The following ERC1 variants were observed in gnomAD, a reference collection of about 807,000 sequenced individuals.
ERC1 encodes the protein ELKS/RAB6-interacting/CAST family member 1.
In ERC1, 56 loss-of-function variants were observed where a neutral mutation model predicts 132.0. That is an observed-to-expected ratio of 0.42 (90% CI 0.34 to 0.53). The LOEUF is 0.53. ERC1 is among the 20% of genes least tolerant of loss of function. The pLI is 0.03. For missense variants in ERC1, 1,202 were observed against 1,349.9 expected, an observed-to-expected ratio of 0.89 and a Z score of 1.72; for synonymous variants, 478 against 476.1, an observed-to-expected ratio of 1.00 and a Z score of -0.05.
intron 18 of ERC1, among the ~76,000 whole-genome samples, chr12:1,458,585 A>C (rs2093588014): frequency 6.6e-6 from 1 of 151,146 alleles, no homozygotes; most frequent in African/African-American, 2.4e-5. Flanking sequence ...CCCAGGCTGA[A>C]GTGCAATGGC....
chr12:1,247,608 CAGGTT>C (rs1433283055), intron 13 of ERC1, among the ~76,000 whole-genome samples: 4 of 152,172 alleles, frequency 2.6e-5, no homozygotes, highest in Admixed American at 6.5e-5. Flanking sequence ...ATTAACATAA[CAGGTT>C]AGTTAGCTCA....
intron 12 of ERC1, among the ~76,000 whole-genome samples, chr12:1,195,966 A>G (rs1956192869): frequency 6.7e-6 from 1 of 149,408 alleles, no homozygotes; most frequent in Non-Finnish European, 1.5e-5. Flanking sequence ...TGCTGCTGAA[A>G]GCTGGGACAA....
At chr12:1,104,409 T>G (rs1945020206) in intron 3 of ERC1, among the ~76,000 whole-genome samples, 1 of 152,192 alleles carries the variant, frequency 6.6e-6, no homozygotes, top group Non-Finnish European at 1.5e-5. Context: ...TTTTGGATCA[T>G]TTGGAATTCT....
intron 12 of ERC1, among the ~76,000 whole-genome samples, chr12:1,196,976 ATTTTTT>A (rs1172269593): frequency 0.011 from 806 of 73,316 alleles, 73 homozygotes; most frequent in African/African-American, 0.039. Context: ...ATATATATAT[ATTTTTT>A]TTTTTTTTTT....
Position 1,491,442 on chromosome 12 carries a change from C to T in ERC1, c.*1212C>T, listed in dbSNP as rs542632756. The T allele has an allele frequency of 4.3e-6, 1 of 230,694 alleles. No individual in the cohort carries two copies. Among genetic ancestry groups the T allele is most frequent in the South Asian group, 1.8e-4 (1 of 5,502 alleles). The allele number at this position is 230,694 out of a possible 1,614,324, so 14.3% of individuals were successfully genotyped here. The stretch of plus-strand genomic sequence containing the variant: ...AAATGCCTACTGTGTGCAAGTCATC[C>T]ATCCTTGAAAAGGCCACTTCTCAGT... On this transcript the variant is annotated 3_prime_UTR_variant, in exon 19 of 19. Coordinates refer to ENST00000360905, the MANE Select transcript of ERC1 (RefSeq NM_178040.4).
chr12:1,430,311 C>T (rs1018296242), intron 17 of ERC1: 1 of 152,120 alleles, frequency 6.6e-6, no homozygotes, highest in Non-Finnish European at 1.5e-5. Flanking sequence ...CTAAGACCAT[C>T]CCACACTGAG....
At chr12:1,091,735 G>A (rs1346097836) in intron 3 of ERC1, among the ~76,000 whole-genome samples, 3 of 152,168 alleles carry the variant, frequency 2.0e-5, no homozygotes, top group Non-Finnish European at 2.9e-5. Flanking sequence ...AATCTGATTT[G>A]CTTTTAAAAT....
At chr12:1,189,561 A>G (rs1016897770) in intron 11 of ERC1, among the ~76,000 whole-genome samples, 1 of 152,200 alleles carries the variant, frequency 6.6e-6, no homozygotes, top group African/African-American at 2.4e-5. Flanking sequence ...AATGACTGTT[A>G]GTTTGTCTCA....
intron 8 of ERC1, among the ~76,000 whole-genome samples, chr12:1,155,441 G>T (rs991317471): frequency 1.3e-5 from 2 of 151,534 alleles, no homozygotes; most frequent in Non-Finnish European, 2.9e-5. Context: ...CAACCTAAGT[G>T]CCCATCAACC....
At chr12:1,365,149 A>G (rs1004178913) in intron 15 of ERC1, among the ~76,000 whole-genome samples, 1 of 152,108 alleles carries the variant, frequency 6.6e-6, no homozygotes, top group Non-Finnish European at 1.5e-5. Context: ...ACCCCCTCTT[A>G]AATTATGACA....
chr12:1,291,305 A>G (rs1038777512), intron 15 of ERC1, among the ~76,000 whole-genome samples: 2 of 152,174 alleles, frequency 1.3e-5, no homozygotes, highest in East Asian at 3.9e-4. Flanking sequence ...ATAGGGGGAG[A>G]ATTAAGAGAG....
At chr12:1,407,143 C>CT in intron 16 of ERC1, among the ~76,000 whole-genome samples, 1 of 152,210 alleles carries the variant, frequency 6.6e-6, no homozygotes, top group East Asian at 1.9e-4. Context: ...TCCAGTCTTC[C>CT]TTTTTGATAA....
chr12:1,289,194 AAT>A (rs550209473), intron 14 of ERC1, among the ~76,000 whole-genome samples: 8 of 145,636 alleles, frequency 5.5e-5, no homozygotes, highest in Admixed American at 6.9e-5. Context: ...GTATATATAT[AAT>A]ATATATATAT....
chr12:1,276,913 A>G (rs775252107), intron 14 of ERC1, among the ~76,000 whole-genome samples: 4 of 152,318 alleles, frequency 2.6e-5, no homozygotes, highest in East Asian at 3.9e-4. Flanking sequence ...CTTTGTTGCA[A>G]TTGCGTTTCC....
At chr12:1,413,068 G>A (rs1251790712) in intron 17 of ERC1, among the ~76,000 whole-genome samples, 1 of 152,170 alleles carries the variant, frequency 6.6e-6, no homozygotes, top group Non-Finnish European at 1.5e-5. Flanking sequence ...GATGGTGATA[G>A]CTGTCTTCCA....
rs544963718 is a variant in ERC1 at position 1,394,272 on chromosome 12, C to T, written c.2926-13877C>T. ...AAAATTAGCCAGGCGTGGTGGCGGG[C>T]TCCTGTAGTCCCAGCTACTGGGGAG... On this transcript the variant is annotated intron_variant, in intron 16 of 18. Coordinates refer to ENST00000360905, the MANE Select transcript of ERC1 (RefSeq NM_178040.4). Among the ~76,000 whole-genome samples the T allele has an allele frequency of 3.2e-3, 482 of 151,298 alleles. 5 individuals carry two copies. The highest frequency in any genetic ancestry group is 0.011 in the African/African-American group (441 of 41,208).
At chr12:1,430,066 A>G (rs1425861439) in intron 17 of ERC1, among the ~76,000 whole-genome samples, 1 of 152,174 alleles carries the variant, frequency 6.6e-6, no homozygotes, top group African/African-American at 2.4e-5. Context: ...AGAACAGCCA[A>G]TTCCAGGATT....
At chr12:1,237,232 A>G (rs1406292005) in intron 13 of ERC1, among the ~76,000 whole-genome samples, 1 of 152,158 alleles carries the variant, frequency 6.6e-6, no homozygotes, top group East Asian at 1.9e-4. Flanking sequence ...TGCCAGTTCC[A>G]TTCATTAAAA....
rs761923681 is a variant in ERC1, at chr12:1,083,299, A to G, written c.805A>G (p.Arg269Gly). The change falls in exon 3 of 19, where the codon AGG (arginine) becomes GGG (glycine). Residue 269 changes from arginine to glycine, a missense_variant. Arg to Gly is a moderately radical substitution (Grantham distance 125). Coordinates refer to ENST00000360905, the MANE Select transcript of ERC1 (RefSeq NM_178040.4). The part of the protein sequence containing the change: ...VAELTEENFQ[R>G]LHAEHERQAK... Reference sequence around the variant, plus strand: ...AGAGCTGACAGAGGAGAACTTTCAGAGGCTTCATGCTGAGCATGAGCGGCA... The same window carrying G: ...AGAGCTGACAGAGGAGAACTTTCAGGGGCTTCATGCTGAGCATGAGCGGCA... 2.5e-6 allele frequency: 4 copies of G among 1,614,196 alleles called. No individual in the cohort carries two copies. Among genetic ancestry groups the G allele is most frequent in the South Asian group, 1.1e-5 (1 of 91,082 alleles).
Sources: gnomAD v4.1 joint callset for allele counts (sites outside exome capture counted in the v4.1 genomes callset) on GRCh38, gnomAD v4.1.1 for gene constraint, MANE v1.5 for transcripts, NCBI Gene and HGNC (gene_info 2026-07-23, HGNC 2026-07-21) for gene names.